EXT1: variants seen among roughly 807,000 people sequenced by gnomAD.
EXT1 encodes exostosin-1.
Under a neutral mutation model 82.5 loss-of-function variants are expected in EXT1, and 20 were observed. The observed-to-expected ratio is 0.24, with a 90% CI of 0.17 to 0.35. The LOEUF is 0.35. EXT1 is among the 10% of genes least tolerant of loss of function. The pLI is 1.00. For missense variants in EXT1, 757 were observed against 936.5 expected (o/e 0.81, Z 2.50); for synonymous variants, 348 against 350.8 (o/e 0.99, Z 0.09).
At chr8:117,949,946 C>T (rs1263656123) in intron 1 of EXT1, among the ~76,000 whole-genome samples, 3 of 152,126 alleles carry the variant, frequency 2.0e-5, no homozygotes, top group Non-Finnish European at 2.9e-5. Context: ...ACAAGGAGGC[C>T]AGATGTGGTG....
chr8:118,045,603 G>T (rs1816610544), intron 1 of EXT1, among the ~76,000 whole-genome samples: 1 of 151,762 alleles, frequency 6.6e-6, no homozygotes, highest in Non-Finnish European at 1.5e-5. Context: ...TTAACAATCA[G>T]CCTCTTCTAT....
Position 117,795,512 on chromosome 8 carries a change from G to C in EXT1, c.*4200C>G, listed in dbSNP as rs1823077196. ...TTTTTTTTTTAAAGAAAAAAAAAAGGGGGGCCAGGCGCAGTGGCTTACACC... is the reference window on the plus strand; with the variant it reads ...TTTTTTTTTTAAAGAAAAAAAAAAGCGGGGCCAGGCGCAGTGGCTTACACC... On this transcript the variant is annotated 3_prime_UTR_variant, in exon 11 of 11. Transcript: ENST00000378204. The C allele has an allele frequency of 6.6e-6, 1 of 150,652 alleles. No homozygotes were observed. The highest frequency in any genetic ancestry group is 6.6e-5 in the Admixed American group (1 of 15,112). The allele number at this position is 150,652 out of a possible 1,614,324, so 9.3% of individuals were successfully genotyped here.
chr8:118,022,122 A>G (rs995757344), intron 1 of EXT1, among the ~76,000 whole-genome samples: 4 of 152,212 alleles, frequency 2.6e-5, no homozygotes, highest in Non-Finnish European at 5.9e-5. Flanking sequence ...CCAACTCACA[A>G]AATTCCAGGT....
intron 1 of EXT1, among the ~76,000 whole-genome samples, chr8:118,070,174 CACTTA>C (rs1437966077): frequency 6.6e-6 from 1 of 151,296 alleles, no homozygotes; most frequent in Non-Finnish European, 1.5e-5. Context: ...ATTGTTATTT[CACTTA>C]ACTTTTTTCT....
At chr8:117,816,211 C>T (rs17474379) in intron 7 of EXT1, among the ~76,000 whole-genome samples, 1,816 of 152,074 alleles carry the variant, frequency 0.012, 34 homozygotes, top group African/African-American at 0.038. Context: ...AAGGGGGCAT[C>T]GAGACACAGA....
intron 1 of EXT1, among the ~76,000 whole-genome samples, chr8:117,876,977 A>T (rs544895222): frequency 6.6e-6 from 1 of 152,292 alleles, no homozygotes; most frequent in Non-Finnish European, 1.5e-5. Context: ...AGAAAACGAT[A>T]TGGCCAGCCA....
At chr8:117,813,833 C>T (rs1386923118) in intron 7 of EXT1, among the ~76,000 whole-genome samples, 1 of 151,936 alleles carries the variant, frequency 6.6e-6, no homozygotes, top group Non-Finnish European at 1.5e-5. Context: ...TGGTGAAACC[C>T]TGACTCTACT....
intron 1 of EXT1, among the ~76,000 whole-genome samples, chr8:117,959,476 G>GA (rs755551888): frequency 2.6e-5 from 4 of 152,202 alleles, no homozygotes; most frequent in Non-Finnish European, 5.9e-5. Context: ...TACCACTAAG[G>GA]AAGAGGACAA....
rs1476498963 is a variant in EXT1 at position 117,881,407 on chromosome 8, TTGAA to T, written c.963-44210_963-44207del. Among the ~76,000 whole-genome samples, 28 of 152,132 alleles carry T rather than the reference TTGAA, an allele frequency of 1.8e-4. 1 individual carries two copies. Among genetic ancestry groups the T allele is most frequent in the Admixed American group, 1.6e-3 (25 of 15,266 alleles). The stretch of plus-strand genomic sequence containing the variant: ...TTTAGGAGGGCTACATAAATACCAG[TTGAA>T]TGAATGAATAAATGACTCCTGGTTT... On this transcript the variant is annotated intron_variant, in intron 1 of 10. Coordinates refer to ENST00000378204, the MANE Select transcript of EXT1 (RefSeq NM_000127.3).
chr8:118,021,122 G>A (rs1275244154), intron 1 of EXT1, among the ~76,000 whole-genome samples: 2 of 152,140 alleles, frequency 1.3e-5, no homozygotes, highest in East Asian at 1.9e-4. Context: ...ATCATTTATT[G>A]TGCAAATATG....
intron 1 of EXT1, among the ~76,000 whole-genome samples, chr8:117,902,804 T>G (rs1201153043): frequency 6.6e-6 from 1 of 152,246 alleles, no homozygotes; most frequent in African/African-American, 2.4e-5. Context: ...AGATTCTTGA[T>G]TTAACACACA....
intron 4 of EXT1, among the ~76,000 whole-genome samples, chr8:117,829,173 C>A (rs919179833): frequency 2.0e-5 from 3 of 152,134 alleles, no homozygotes; most frequent in Non-Finnish European, 4.4e-5. Context: ...GTAATGCATG[C>A]GTGTGCAGTT....
At chr8:117,875,629 G>A (rs931193980) in intron 1 of EXT1, among the ~76,000 whole-genome samples, 1 of 151,888 alleles carries the variant, frequency 6.6e-6, no homozygotes, top group African/African-American at 2.4e-5. Context: ...GACTTTTCAG[G>A]GTCATTTTTA....
intron 1 of EXT1, among the ~76,000 whole-genome samples, chr8:117,996,521 C>A (rs1256325372): frequency 6.6e-6 from 1 of 152,160 alleles, no homozygotes; most frequent in Non-Finnish European, 1.5e-5. Context: ...CCTTTGAGCT[C>A]TTCAGCAGAG....
chr8:118,082,842 T>C (rs753083443), intron 1 of EXT1, among the ~76,000 whole-genome samples: 1 of 152,224 alleles, frequency 6.6e-6, no homozygotes, highest in Non-Finnish European at 1.5e-5. Flanking sequence ...TTCATTTTAA[T>C]TTCCCTCACT....
At chr8:117,930,479 A>G (rs1814037951) in intron 1 of EXT1, among the ~76,000 whole-genome samples, 1 of 152,226 alleles carries the variant, frequency 6.6e-6, no homozygotes, top group Non-Finnish European at 1.5e-5. Flanking sequence ...ACTTATCTCT[A>G]AATATCCACA....
intron 1 of EXT1, among the ~76,000 whole-genome samples, chr8:118,011,939 G>A (rs1398947558): frequency 1.3e-5 from 2 of 152,164 alleles, no homozygotes; most frequent in African/African-American, 4.8e-5. Context: ...CAGAGAGCGC[G>A]AGAGAACATG....
chr8:117,813,640 G>A (rs1823371365), intron 7 of EXT1, among the ~76,000 whole-genome samples: 1 of 152,158 alleles, frequency 6.6e-6, no homozygotes, highest in East Asian at 1.9e-4. Context: ...ACATATATTA[G>A]CAGCTACAGC....
rs966976090 is a variant in EXT1, at chr8:118,109,993, C to A, written c.962+92G>T. On this transcript the variant is annotated intron_variant, in intron 1 of 10. Coordinates refer to ENST00000378204, the MANE Select transcript of EXT1 (RefSeq NM_000127.3). ...AGGGGAAAGAGGACTGAGGGCTCAT[C>A]CGCCCTCACCCCATCCCCCAACTTC... The A allele has an allele frequency of 7.5e-5, 119 of 1,581,498 alleles. No individual in the cohort carries two copies. In the South Asian group the frequency reaches 1.3e-3, roughly 17 times the overall value.
Sources: gnomAD v4.1 joint callset for allele counts (sites outside exome capture counted in the v4.1 genomes callset) on GRCh38, gnomAD v4.1.1 for gene constraint, MANE v1.5 for transcripts, NCBI Gene and HGNC (gene_info 2026-07-23, HGNC 2026-07-21) for gene names.